Variants in CATSPERT observed in about 807,000 individuals in gnomAD.
CATSPERT encodes cation channel sperm-associated targeting subunit tau.
At chr2:201,604,551 CTGTT>C in the CATSPERT span, 2 of 1,127,062 alleles carry the variant, frequency 1.8e-6, no homozygotes, top group Non-Finnish European at 2.5e-6. Flanking sequence ...TCTGCATATA[CTGTT>C]TGATTATCAA....
At chr2:201,550,563 T>C in the CATSPERT span, 3 of 149,222 alleles carry the variant, frequency 2.0e-5, no homozygotes, top group Non-Finnish European at 4.4e-5. Context: ...CCCACAATAA[T>C]AGGACCACCT....
the CATSPERT span, among the ~76,000 whole-genome samples, chr2:201,533,872 C>G: frequency 1.3e-5 from 2 of 152,008 alleles, no homozygotes; most frequent in Admixed American, 1.3e-4. Flanking sequence ...AAGCCTATGT[C>G]TTAAGAAGAC....
At chr2:201,547,846 C>T in the CATSPERT span, among the ~76,000 whole-genome samples, 1 of 151,972 alleles carries the variant, frequency 6.6e-6, no homozygotes, top group East Asian at 1.9e-4. Flanking sequence ...GAAGGGTACA[C>T]AAAATGTATT....
the CATSPERT span, chr2:201,550,457 AC>A: frequency 2.6e-5 from 4 of 151,996 alleles, no homozygotes; most frequent in Non-Finnish European, 5.9e-5. Context: ...AAATATACCT[AC>A]TCTTTAAACC....
chr2:201,501,098 A>G, the CATSPERT span, among the ~76,000 whole-genome samples: 4 of 151,990 alleles, frequency 2.6e-5, no homozygotes, highest in Non-Finnish European at 4.4e-5. Flanking sequence ...CATTTACACT[A>G]AAAAAGAGAA....
At chr2:201,600,166 G>C in the CATSPERT span, among the ~76,000 whole-genome samples, 15 of 152,138 alleles carry the variant, frequency 9.9e-5, no homozygotes, top group Admixed American at 9.8e-4. Context: ...TTTCACAATA[G>C]CAAAGACTTG....
the CATSPERT span, among the ~76,000 whole-genome samples, chr2:201,498,657 C>G: frequency 6.6e-6 from 1 of 152,156 alleles, no homozygotes; most frequent in African/African-American, 2.4e-5. Context: ...TATTAACCAT[C>G]ACACTCAGCA....
chr2:201,607,177 C>A, the CATSPERT span, among the ~76,000 whole-genome samples: 1 of 152,116 alleles, frequency 6.6e-6, no homozygotes, highest in African/African-American at 2.4e-5. Context: ...AAAAACATGA[C>A]CCGATCTTTC....
chr2:201,513,674 C>A, the CATSPERT span, among the ~76,000 whole-genome samples: 5 of 152,190 alleles, frequency 3.3e-5, no homozygotes, highest in Non-Finnish European at 7.4e-5. Context: ...GACATGGAGT[C>A]AACCTAGGTG....
chr2:201,510,480 C>A, the CATSPERT span, among the ~76,000 whole-genome samples: 8,947 of 152,080 alleles, frequency 0.059, 324 homozygotes, highest in African/African-American at 0.083. Context: ...AATAAGAACA[C>A]CCTGTCTTAA....
chr2:201,574,301 G>A, the CATSPERT span: 2 of 1,571,130 alleles, frequency 1.3e-6, no homozygotes, highest in South Asian at 1.2e-5. Flanking sequence ...AAATTTTATT[G>A]TTTGATCAGG....
the CATSPERT span, among the ~76,000 whole-genome samples, chr2:201,556,511 A>G: frequency 3.6e-5 from 4 of 111,406 alleles, no homozygotes; most frequent in Admixed American, 4.1e-4. Flanking sequence ...CCACTTCAAA[A>G]AGAAAAAAAA....
chr2:201,490,048 A>T, the CATSPERT span, among the ~76,000 whole-genome samples: 1 of 152,086 alleles, frequency 6.6e-6, no homozygotes, highest in East Asian at 1.9e-4. Context: ...GTAGAGATGG[A>T]GTTTCACCAT....
the CATSPERT span, chr2:201,554,775 A>C: frequency 6.6e-6 from 1 of 152,276 alleles, no homozygotes; most frequent in East Asian, 1.9e-4. Context: ...TCCAACTCTA[A>C]TTATTATTCT....
the CATSPERT span, chr2:201,491,224 A>T: frequency 3.9e-6 from 6 of 1,537,762 alleles, no homozygotes; most frequent in East Asian, 1.2e-4. Flanking sequence ...AGACTTCTTT[A>T]GGTGAATTCT....
the CATSPERT span, among the ~76,000 whole-genome samples, chr2:201,517,241 G>A: frequency 2.0e-5 from 3 of 151,982 alleles, no homozygotes; most frequent in South Asian, 2.1e-4. Context: ...GGGTGGTTTC[G>A]ATCCTGCCTG....
At chr2:201,547,803 C>T in the CATSPERT span, among the ~76,000 whole-genome samples, 2 of 152,008 alleles carry the variant, frequency 1.3e-5, no homozygotes, top group Non-Finnish European at 2.9e-5. Context: ...TACTAGTTAC[C>T]TGGGGATGGT....
At chr2:201,515,204 T>G in the CATSPERT span, among the ~76,000 whole-genome samples, 3 of 3,462 alleles carry the variant, frequency 8.7e-4, no homozygotes, top group South Asian at 0.021. Flanking sequence ...TGCCCATAGT[T>G]TTTTTTTTTT....
the CATSPERT span, among the ~76,000 whole-genome samples, chr2:201,533,078 C>A: frequency 6.6e-6 from 1 of 152,138 alleles, no homozygotes; most frequent in Admixed American, 6.5e-5. Flanking sequence ...TGACTCTCAG[C>A]CCAAGGAAAC....
Sources: gnomAD v4.1 joint callset for allele counts (sites outside exome capture counted in the v4.1 genomes callset) on GRCh38, gnomAD v4.1.1 for gene constraint, MANE v1.5 for transcripts, NCBI Gene and HGNC (gene_info 2026-07-23, HGNC 2026-07-21) for gene names.